Variants in BIRC6 observed in about 807,000 individuals in gnomAD.
BIRC6 encodes the protein dual E2 ubiquitin-conjugating enzyme/E3 ubiquitin-protein ligase BIRC6.
A neutral mutation model predicts 503.3 loss-of-function variants in BIRC6; 98 were observed. That is an observed-to-expected ratio of 0.19 (90% CI 0.17 to 0.23). The LOEUF (loss-of-function observed/expected upper bound fraction) is 0.23. Among genes scored for constraint, BIRC6 ranks in the 10% least tolerant of loss-of-function variants. BIRC6 has a pLI of 1.00. For missense variants in BIRC6, 5,360 were observed against 5,806.0 expected (o/e 0.92, Z 2.50); for synonymous variants, 2,240 against 2,078.7 (o/e 1.08, Z -2.11).
intron 1 of BIRC6, among the ~76,000 whole-genome samples, chr2:32,363,403 TA>T (rs1224535048): frequency 6.6e-6 from 1 of 152,200 alleles, no homozygotes; most frequent in African/African-American, 2.4e-5. Flanking sequence ...TTTTTGGACT[TA>T]AACTGAACTT....
At chr2:32,428,271 A>G (rs1220095500) in intron 10 of BIRC6, among the ~76,000 whole-genome samples, 1 of 152,094 alleles carries the variant, frequency 6.6e-6, no homozygotes, top group Non-Finnish European at 1.5e-5. Flanking sequence ...ATTTGTGGAG[A>G]GTTTACCAGG....
intron 1 of BIRC6, among the ~76,000 whole-genome samples, chr2:32,361,181 C>A (rs1320969516): frequency 6.6e-6 from 1 of 152,078 alleles, no homozygotes; most frequent in African/African-American, 2.4e-5. Flanking sequence ...GTGATCTGCC[C>A]ACCTTGGCCT....
intron 21 of BIRC6, 108 bp downstream of exon 21, chr2:32,445,776 C>A: frequency 1.2e-6 from 1 of 851,180 alleles, no homozygotes; most frequent in Non-Finnish European, 1.6e-6. Context: ...CTTTTTCTTA[C>A]AAAAATGTTT....
chr2:32,575,483 G>A (rs2060201144), intron 66 of BIRC6, 117 bp downstream of exon 66: 6 of 917,896 alleles, frequency 6.5e-6, no homozygotes, highest in East Asian at 2.6e-5. Flanking sequence ...ATACACCCTC[G>A]GCTGGGTGCG....
intron 34 of BIRC6, among the ~76,000 whole-genome samples, chr2:32,476,951 A>G (rs941448504): frequency 6.6e-6 from 1 of 152,232 alleles, no homozygotes; most frequent in Non-Finnish European, 1.5e-5. Flanking sequence ...TTTCTATAAC[A>G]TGAAATTATG....
intron 1 of BIRC6, among the ~76,000 whole-genome samples, chr2:32,360,733 A>AT (rs2033940993): frequency 6.6e-6 from 1 of 151,978 alleles, no homozygotes; most frequent in Admixed American, 6.6e-5. Context: ...ATTTTGTGGT[A>AT]TTTTTTCAAC....
Position 32,467,972 on chromosome 2 carries a change from C to A in BIRC6, c.5641C>A (p.His1881Asn). Reference sequence around the variant, plus strand: ...AATCCCATTAGGATTTTACTATGGTCATACCTACATCTTGCCTTGGGAAAG... The same window carrying A: ...AATCCCATTAGGATTTTACTATGGTAATACCTACATCTTGCCTTGGGAAAG... ...AKIPLGFYYG[H>N]TYILPWESEL... The change falls in exon 28 of 74, where the codon CAT becomes AAT. Residue 1881 changes from histidine to asparagine, a missense_variant. His to Asn is a moderately conservative substitution (Grantham distance 68, BLOSUM62 1). Transcript: ENST00000421745. 1 of 1,613,684 alleles carries A rather than the reference C, an allele frequency of 6.2e-7. No homozygotes were observed. Among genetic ancestry groups the A allele is most frequent in the South Asian group, 1.1e-5 (1 of 91,008 alleles).
chr2:32,454,718 C>T (rs752296351), intron 23 of BIRC6, among the ~76,000 whole-genome samples: 1 of 152,038 alleles, frequency 6.6e-6, no homozygotes, highest in African/African-American at 2.4e-5. Context: ...CTAGAGAAGT[C>T]GTGAAAAATA....
intron 23 of BIRC6, 102 bp downstream of exon 23, chr2:32,454,044 G>C: frequency 1.0e-6 from 1 of 999,856 alleles, no homozygotes; most frequent in Non-Finnish European, 1.4e-6. Flanking sequence ...AATTTTCATT[G>C]CTGTTAAGTG....
chr2:32,411,514 G>C (rs905611623), intron 9 of BIRC6, among the ~76,000 whole-genome samples: 2 of 144,464 alleles, frequency 1.4e-5, no homozygotes, highest in African/African-American at 2.6e-5. Context: ...ATCTCACTCT[G>C]TTGTCCAGGC....
Position 32,614,173 on chromosome 2 carries a change from CT to C in BIRC6, c.14394+2592del, listed in dbSNP as rs1249096757. ...GTATCTCATCCTTCATCCAGCACCC[CT>C]GGTCAGTACTAGGTCCTGTCAGTAT... On this transcript the variant is annotated intron_variant, in intron 73 of 73. Transcript: ENST00000421745. Among the ~76,000 whole-genome samples, 11 of 152,196 alleles carry C rather than the reference CT, an allele frequency of 7.2e-5. No individual in the cohort carries two copies. The East Asian group carries it at 2.1e-3, about 29-fold the overall frequency.
intron 1 of BIRC6, among the ~76,000 whole-genome samples, chr2:32,361,694 C>G (rs189334299): frequency 2.6e-4 from 40 of 152,230 alleles, no homozygotes; most frequent in African/African-American, 7.7e-4. Context: ...TCCTTTTCCC[C>G]CCAACTGTTC....
intron 21 of BIRC6, among the ~76,000 whole-genome samples, chr2:32,447,729 C>T (rs1434008139): frequency 8.5e-5 from 5 of 58,748 alleles, no homozygotes; most frequent in African/African-American, 3.9e-4. Context: ...CCCTCCTGGT[C>T]GGGGCGACTG....
chr2:32,415,503 C>G lies in BIRC6; in HGVS notation c.2212C>G (p.Pro738Ala). 3 of 1,614,000 alleles carry G rather than the reference C, an allele frequency of 1.9e-6. No individual in the cohort carries two copies. Among genetic ancestry groups the G allele is most frequent in the Middle Eastern group, 3.3e-4 (2 of 6,062 alleles). Reference protein sequence around the residue: ...EENLCIDSITPCADGIHLLVG... With the variant: ...EENLCIDSITACADGIHLLVG... The stretch of plus-strand genomic sequence containing the variant: ...GAATCTTTGTATAGACTCAATAACT[C>G]CTTGTGCTGACGGAATTCATTTGTT... The change falls in exon 10 of 74, where the codon CCT becomes GCT. Residue 738 changes from proline (P) to alanine (A), a missense_variant. Transcript: ENST00000421745.
At chr2:32,495,255 A>G (rs2052302953) in intron 45 of BIRC6, among the ~76,000 whole-genome samples, 1 of 152,214 alleles carries the variant, frequency 6.6e-6, no homozygotes, top group South Asian at 2.1e-4. Flanking sequence ...ATATTTAAGC[A>G]GAGATATTTT....
chr2:32,414,020 G>A (rs959280419), intron 9 of BIRC6, among the ~76,000 whole-genome samples: 8 of 152,148 alleles, frequency 5.3e-5, no homozygotes, highest in African/African-American at 7.2e-5. Context: ...GGCTGGGCAC[G>A]GTGGCTCATG....
Position 32,503,078 on chromosome 2 carries a change from G to A in BIRC6, c.9341G>A (p.Ser3114Asn), listed in dbSNP as rs373705422. ...CTCATATGCAATAATATGGTTACTA[G>A]TACAAGGGCTATTGTGAACACTGCA... ...VQLICNNMVT[S>N]TRAIVNTARS... The change falls in exon 49 of 74, where the codon AGT becomes AAT. Residue 3114 changes from serine to asparagine, a missense_variant. Physicochemically the swap from Ser to Asn is conservative, Grantham distance 46. Coordinates refer to ENST00000421745, the MANE Select transcript of BIRC6 (RefSeq NM_016252.4). 6.2e-7 allele frequency: 1 copy of A among 1,608,012 alleles called. No homozygotes were observed. The highest frequency in any genetic ancestry group is 8.5e-7 in the Non-Finnish European group (1 of 1,177,082).
rs2040578713 is a variant in BIRC6 at position 32,401,388 on chromosome 2, A to G, written c.1257+3A>G. ...GGGATGTTTCCAAACTTATGAAGGTATGTTTGAATTTTGAAGTAACAAATT... is the reference window on the plus strand; with the variant it reads ...GGGATGTTTCCAAACTTATGAAGGTGTGTTTGAATTTTGAAGTAACAAATT... On this transcript the variant is annotated splice_donor_region_variant and intron_variant, in intron 7 of 73. Coordinates refer to ENST00000421745, the MANE Select transcript of BIRC6 (RefSeq NM_016252.4). 4 of 1,613,522 alleles carry G rather than the reference A, an allele frequency of 2.5e-6. No homozygotes were observed. The highest frequency in any genetic ancestry group is 3.4e-6 in the Non-Finnish European group (4 of 1,179,520).
At chr2:32,601,890 A>G (rs1420648157) in intron 70 of BIRC6, among the ~76,000 whole-genome samples, 1 of 152,196 alleles carries the variant, frequency 6.6e-6, no homozygotes, top group African/African-American at 2.4e-5. Flanking sequence ...TTTGATCCAT[A>G]TACTTGAATC....
Sources: allele counts gnomAD v4.1 joint callset (sites outside exome capture counted in the v4.1 genomes callset), GRCh38; gene constraint gnomAD v4.1.1; transcripts MANE v1.5; gene names NCBI Gene and HGNC (gene_info 2026-07-23, HGNC 2026-07-21).